Variants in GRK5 observed in about 807,000 individuals in gnomAD.
GRK5 encodes the protein g protein-coupled receptor kinase GRK5.
GRK5 carries 40 observed loss-of-function variants against 78.4 expected under a neutral mutation model. That is an observed-to-expected ratio of 0.51 (90% CI 0.40 to 0.66). The LOEUF (loss-of-function observed/expected upper bound fraction) is 0.66. GRK5 is among the 30% of genes least tolerant of loss of function. The probability of loss-of-function intolerance (pLI) is 0.00; values close to 1 mark genes in which losing one functional copy is unlikely to be tolerated. For synonymous variants in GRK5, 289 were observed against 296.8 expected, an observed-to-expected ratio of 0.97 and a Z score of 0.27; for missense variants, 598 against 759.9, an observed-to-expected ratio of 0.79 and a Z score of 2.50.
intron 3 of GRK5, among the ~76,000 whole-genome samples, chr10:119,389,130 A>T (rs1270130542): frequency 6.6e-6 from 1 of 152,258 alleles, no homozygotes; most frequent in Admixed American, 6.5e-5. Context: ...GCGACTACAA[A>T]TATGAGGTTA....
intron 2 of GRK5, among the ~76,000 whole-genome samples, chr10:119,329,670 C>T (rs1417798257): frequency 6.6e-6 from 1 of 151,970 alleles, no homozygotes; most frequent in East Asian, 1.9e-4. Flanking sequence ...GCAGAGGTTG[C>T]AGTGAGCCAA....
At chr10:119,391,174 G>A (rs1851882690) in intron 3 of GRK5, among the ~76,000 whole-genome samples, 1 of 152,214 alleles carries the variant, frequency 6.6e-6, no homozygotes, top group African/African-American at 2.4e-5. Context: ...CCTAAGTTGG[G>A]CCAGTGAATC....
chr10:119,431,681 C>T lies in GRK5; in HGVS notation c.738+154C>T, dbSNP rs1248847579. Among the ~76,000 whole-genome samples the T allele has an allele frequency of 6.6e-6, 1 of 152,234 alleles. No individual in the cohort carries two copies. Among genetic ancestry groups the T allele is most frequent in the African/African-American group, 2.4e-5 (1 of 41,462 alleles). On this transcript the variant is annotated intron_variant, in intron 8 of 15. Coordinates refer to ENST00000392870, the MANE Select transcript of GRK5 (RefSeq NM_005308.3). This position sits in a 1 kb window ranked among gnomAD's most constrained non-coding sequence, Gnocchi z 4.8. ...GCTGAGCTACAGAAAGGCCGCAAGA[C>T]ATTCCTCCATCACACGGCCCATTGT...
At chr10:119,403,133 A>G (rs554083940) in intron 4 of GRK5, among the ~76,000 whole-genome samples, 2 of 152,250 alleles carry the variant, frequency 1.3e-5, no homozygotes, top group East Asian at 3.9e-4. Context: ...ATTTCATATA[A>G]ATGGAATATC....
chr10:119,248,236 C>A (rs1431657870), intron 1 of GRK5, among the ~76,000 whole-genome samples: 1 of 152,240 alleles, frequency 6.6e-6, no homozygotes, highest in East Asian at 1.9e-4. Flanking sequence ...TGGTCTCAAA[C>A]TCCTGGGCTC....
intron 4 of GRK5, among the ~76,000 whole-genome samples, chr10:119,403,822 T>TG (rs1457269625): frequency 6.6e-6 from 1 of 152,018 alleles, no homozygotes; most frequent in Non-Finnish European, 1.5e-5. Context: ...TTATTAGAGA[T>TG]GGGGTTTTCG....
intron 1 of GRK5, among the ~76,000 whole-genome samples, chr10:119,311,526 C>T (rs905851451): frequency 3.3e-5 from 5 of 152,194 alleles, no homozygotes; most frequent in African/African-American, 1.2e-4. Flanking sequence ...GTGACTTACA[C>T]CTGTAATCCC....
At chr10:119,366,823 T>A (rs1851458019) in intron 2 of GRK5, among the ~76,000 whole-genome samples, 1 of 152,246 alleles carries the variant, frequency 6.6e-6, no homozygotes, top group South Asian at 2.1e-4. Flanking sequence ...CTTTGTCTGC[T>A]GCTGCCATGG....
chr10:119,337,743 T>A (rs1564896451), intron 2 of GRK5, among the ~76,000 whole-genome samples: 1 of 151,850 alleles, frequency 6.6e-6, no homozygotes, highest in African/African-American at 2.4e-5. Flanking sequence ...CCTCAGCCTC[T>A]CGAGTAGCTG....
intron 3 of GRK5, among the ~76,000 whole-genome samples, chr10:119,387,567 G>A (rs1851821563): frequency 6.6e-6 from 1 of 152,196 alleles, no homozygotes; most frequent in Non-Finnish European, 1.5e-5. Context: ...TCTCTAAAGG[G>A]CAAAGAGTTT....
chr10:119,325,040 C>CTCG (rs1471957967), intron 1 of GRK5, among the ~76,000 whole-genome samples: 1 of 152,186 alleles, frequency 6.6e-6, no homozygotes, highest in Non-Finnish European at 1.5e-5. Flanking sequence ...AGGAGAGAGA[C>CTCG]TCCTCCCCAT....
intron 1 of GRK5, among the ~76,000 whole-genome samples, chr10:119,211,067 CTT>C (rs35572236): frequency 0.38 from 57,984 of 151,776 alleles, 11,471 homozygotes; most frequent in East Asian, 0.56. Flanking sequence ...TTCATGAACA[CTT>C]GTGATAATTA....
intron 1 of GRK5, among the ~76,000 whole-genome samples, chr10:119,275,434 C>T (rs73450551): frequency 0.01 from 1,527 of 152,298 alleles, 27 homozygotes; most frequent in African/African-American, 0.035. Context: ...AGTCCTCTCA[C>T]TTCTGTGTTT....
intron 1 of GRK5, among the ~76,000 whole-genome samples, chr10:119,260,350 C>A (rs1035989070): frequency 5.9e-5 from 8 of 135,820 alleles, no homozygotes; most frequent in Non-Finnish European, 9.5e-5. Context: ...GATTCTGAAT[C>A]TTTAACATAT....
Position 119,431,652 on chromosome 10 carries a change from C to A in GRK5, c.738+125C>A. ...CCCCTGGGAAGGGGAATGCCAGTGG[C>A]AGCGCTGAGCTACAGAAAGGCCGCA... On this transcript the variant is annotated intron_variant, in intron 8 of 15. Coordinates refer to ENST00000392870, the MANE Select transcript of GRK5 (RefSeq NM_005308.3). The surrounding 1 kb of genome is among the most constrained non-coding windows in gnomAD (Gnocchi z 4.8). 8.9e-7 allele frequency: 1 copy of A among 1,129,632 alleles called. No homozygotes were observed. The highest frequency in any genetic ancestry group is 1.2e-6 in the Non-Finnish European group (1 of 805,996). 70.0% of individuals were successfully genotyped at this position (1,129,632 alleles called of 1,614,324 possible).
Position 119,237,729 on chromosome 10 carries a change from AAG to A in GRK5, c.52+29770_52+29771del, listed in dbSNP as rs201684223. Among the ~76,000 whole-genome samples the A allele has an allele frequency of 9.2e-3, 1,400 of 152,106 alleles. 14 individuals are homozygous for A. Among genetic ancestry groups the A allele is most frequent in the African/African-American group, 0.027 (1,113 of 41,478 alleles). On this transcript the variant is annotated intron_variant, in intron 1 of 15. Coordinates refer to ENST00000392870, the MANE Select transcript of GRK5 (RefSeq NM_005308.3). The stretch of plus-strand genomic sequence containing the variant: ...GGAGGGCAGGTCGGGTGGGGTGGGG[AAG>A]AGAGAGAGACCCTTCCATCTCAGCC...
chr10:119,230,438 G>A (rs1028700022), intron 1 of GRK5, among the ~76,000 whole-genome samples: 1 of 152,112 alleles, frequency 6.6e-6, no homozygotes, highest in African/African-American at 2.4e-5. Context: ...CATGGCAGAA[G>A]GCAAGGAAGA....
chr10:119,224,145 G>A (rs1210612002), intron 1 of GRK5, among the ~76,000 whole-genome samples: 1 of 152,096 alleles, frequency 6.6e-6, no homozygotes, highest in East Asian at 1.9e-4. Flanking sequence ...TCCAATCTGG[G>A]CAACAGAGTG....
At chr10:119,223,786 G>A (rs1458142651) in intron 1 of GRK5, among the ~76,000 whole-genome samples, 1 of 151,542 alleles carries the variant, frequency 6.6e-6, no homozygotes, top group Non-Finnish European at 1.5e-5. Context: ...CCTGAGGGCT[G>A]ACACCAGGGC....
Sources: allele counts gnomAD v4.1 joint callset (sites outside exome capture counted in the v4.1 genomes callset), GRCh38; gene constraint gnomAD v4.1.1; non-coding constraint Gnocchi (gnomAD v3.1); transcripts MANE v1.5; gene names NCBI Gene and HGNC (gene_info 2026-07-23, HGNC 2026-07-21).